The following CDH4 variants were observed in gnomAD, a reference collection of about 807,000 sequenced individuals.
CDH4 encodes cadherin-4.
A neutral mutation model predicts 86.0 loss-of-function variants in CDH4; 33 were observed. The ratio of observed to expected loss-of-function variants is 0.38; its 90% confidence interval spans 0.29 to 0.51. The LOEUF (loss-of-function observed/expected upper bound fraction) is 0.51, where lower values mean the gene tolerates loss of function less well. Ranked by LOEUF, CDH4 falls within the 20% of genes least tolerant of loss-of-function variation. The pLI is 0.86. For missense variants in CDH4, 1,114 were observed against 1,307.4 expected, an observed-to-expected ratio of 0.85 and a Z score of 2.28; for synonymous variants, 555 against 549.4, an observed-to-expected ratio of 1.01 and a Z score of -0.14.
chr20:61,363,188 T>C (rs1281475174), intron 2 of CDH4, among the ~76,000 whole-genome samples: 1 of 152,206 alleles, frequency 6.6e-6, no homozygotes, highest in East Asian at 1.9e-4. Flanking sequence ...CTGATGCACA[T>C]GTGTGAGCTG....
chr20:61,314,834 C>T (rs1332692990), intron 2 of CDH4, among the ~76,000 whole-genome samples: 1 of 152,132 alleles, frequency 6.6e-6, no homozygotes, highest in Non-Finnish European at 1.5e-5. Context: ...AACAAGTGTG[C>T]GATGACAGCG....
chr20:61,845,518 TC>T (rs756336529), intron 5 of CDH4, among the ~76,000 whole-genome samples: 10 of 152,254 alleles, frequency 6.6e-5, no homozygotes, highest in South Asian at 6.2e-4. Context: ...CACCTCAGGG[TC>T]CAGAGCTGTC....
chr20:61,462,927 G>C (rs912500356), intron 2 of CDH4, among the ~76,000 whole-genome samples: 8 of 152,174 alleles, frequency 5.3e-5, no homozygotes, highest in African/African-American at 1.9e-4. Flanking sequence ...TGGTGAAATG[G>C]TTTGACTGTG....
intron 2 of CDH4, among the ~76,000 whole-genome samples, chr20:61,299,762 A>G (rs4810228): frequency 0.019 from 2,859 of 152,266 alleles, 158 homozygotes; most frequent in Admixed American, 0.12. Flanking sequence ...GCTCTGCTGT[A>G]AGGTCATAAA....
intron 2 of CDH4, among the ~76,000 whole-genome samples, chr20:61,354,145 C>T (rs1383328920): frequency 1.3e-5 from 2 of 151,418 alleles, no homozygotes; most frequent in East Asian, 2.0e-4. Context: ...GCCAGGGTGC[C>T]GCCGACCGTC....
At chr20:61,415,197 C>A (rs1468902110) in intron 2 of CDH4, among the ~76,000 whole-genome samples, 1 of 152,190 alleles carries the variant, frequency 6.6e-6, no homozygotes, top group Non-Finnish European at 1.5e-5. Flanking sequence ...TCTCTGCCCC[C>A]CTACCCCAGA....
intron 2 of CDH4, among the ~76,000 whole-genome samples, chr20:61,491,212 C>G (rs2085624089): frequency 6.6e-6 from 1 of 152,200 alleles, no homozygotes; most frequent in Non-Finnish European, 1.5e-5. Context: ...AAAGATAGCA[C>G]ACTGGTTTTC....
chr20:61,266,905 T>G (rs765781369), intron 2 of CDH4, among the ~76,000 whole-genome samples: 8 of 152,132 alleles, frequency 5.3e-5, no homozygotes, highest in Non-Finnish European at 1.0e-4. Context: ...AATCTCTAGA[T>G]GAGATCATCC....
chr20:61,851,814 C>G (rs551564202), intron 5 of CDH4, among the ~76,000 whole-genome samples: 29 of 152,284 alleles, frequency 1.9e-4, no homozygotes, highest in African/African-American at 7.0e-4. Context: ...TCCCTGGCGG[C>G]CACCACACCC....
At chr20:61,628,739 GA>G (rs1568721808) in intron 2 of CDH4, among the ~76,000 whole-genome samples, 1 of 152,206 alleles carries the variant, frequency 6.6e-6, no homozygotes, top group Non-Finnish European at 1.5e-5. Context: ...ATGTCACACA[GA>G]GACTTGCAGC....
At chr20:61,914,556 A>G (rs1482460252) in intron 9 of CDH4, among the ~76,000 whole-genome samples, 2 of 152,034 alleles carry the variant, frequency 1.3e-5, no homozygotes, top group Non-Finnish European at 2.9e-5. Context: ...CAGCCTCAGC[A>G]GAATAACCCT....
intron 2 of CDH4, among the ~76,000 whole-genome samples, chr20:61,644,455 C>T (rs1033654775): frequency 6.6e-6 from 1 of 152,204 alleles, no homozygotes; most frequent in Non-Finnish European, 1.5e-5. Context: ...GCCTTGGCCT[C>T]CCCCTGCACC....
chr20:61,840,299 C>G (rs963467249), intron 4 of CDH4, among the ~76,000 whole-genome samples: 6 of 152,190 alleles, frequency 3.9e-5, no homozygotes, highest in Non-Finnish European at 7.3e-5. Context: ...GGGTGTAACT[C>G]TCTCTCCCCG....
At chr20:61,711,236 G>T (rs1485216335) in intron 2 of CDH4, among the ~76,000 whole-genome samples, 1 of 152,312 alleles carries the variant, frequency 6.6e-6, no homozygotes, top group East Asian at 1.9e-4. Flanking sequence ...TTGTGAAGGA[G>T]GATGTGTTTG....
chr20:61,804,078 T>C (rs1979987382), intron 4 of CDH4, among the ~76,000 whole-genome samples: 2 of 152,248 alleles, frequency 1.3e-5, no homozygotes, highest in Non-Finnish European at 2.9e-5. Flanking sequence ...AGCTTGTTGT[T>C]GGTAAGGAGG....
chr20:61,501,962 G>A lies in CDH4; in HGVS notation c.170-241601G>A, dbSNP rs973860284. Reference sequence around the variant, plus strand: ...CCGTGTAAAGTAAGATGAACCGAGTGGGCACGTTAGCCCAGGCCGTTACCC... The same window carrying A: ...CCGTGTAAAGTAAGATGAACCGAGTAGGCACGTTAGCCCAGGCCGTTACCC... On this transcript the variant is annotated intron_variant, in intron 2 of 15. Coordinates refer to ENST00000614565, the MANE Select transcript of CDH4 (RefSeq NM_001794.5). The surrounding 1 kb of genome is among the most constrained non-coding windows in gnomAD (Gnocchi z 4.2). Among the ~76,000 whole-genome samples, 1 of 152,152 alleles carries A rather than the reference G, an allele frequency of 6.6e-6. No homozygotes were observed. The highest frequency in any genetic ancestry group is 1.5e-5 in the Non-Finnish European group (1 of 68,038).
intron 2 of CDH4, among the ~76,000 whole-genome samples, chr20:61,389,627 C>G (rs979146054): frequency 3.9e-5 from 6 of 152,118 alleles, no homozygotes; most frequent in Admixed American, 6.5e-5. Flanking sequence ...TTCTATAGAT[C>G]GACGCTTCTC....
At chr20:61,380,748 G>C (rs1158640718) in intron 2 of CDH4, among the ~76,000 whole-genome samples, 1 of 152,190 alleles carries the variant, frequency 6.6e-6, no homozygotes, top group East Asian at 1.9e-4. Flanking sequence ...TTACAACTTG[G>C]AGATCTTTCA....
intron 2 of CDH4, among the ~76,000 whole-genome samples, chr20:61,513,754 C>T (rs1431188176): frequency 6.6e-6 from 1 of 152,192 alleles, no homozygotes; most frequent in Non-Finnish European, 1.5e-5. Context: ...GAAGCGACCA[C>T]CCCTTCCCTA....
Sources: gnomAD v4.1 joint callset for allele counts (sites outside exome capture counted in the v4.1 genomes callset) on GRCh38, gnomAD v4.1.1 for gene constraint, Gnocchi (gnomAD v3.1) non-coding constraint, MANE v1.5 for transcripts, NCBI Gene and HGNC (gene_info 2026-07-23, HGNC 2026-07-21) for gene names.